Variants in PHACTR3 observed in about 807,000 individuals in gnomAD.
The protein encoded by PHACTR3 is protein phosphatase 1, regulatory subunit 123.
In PHACTR3, 16 loss-of-function variants were observed where a neutral mutation model predicts 66.8. The ratio of observed to expected loss-of-function variants is 0.24; its 90% CI spans 0.16 to 0.36. PHACTR3 has a LOEUF of 0.36. Ranked by LOEUF, PHACTR3 falls within the 10% of genes least tolerant of loss-of-function variation. The pLI, the probability that PHACTR3 is intolerant of heterozygous loss-of-function variation, is 1.00. For synonymous variants in PHACTR3, 323 were observed against 292.1 expected (o/e 1.11, Z -1.08); for missense variants, 647 against 719.9 (o/e 0.90, Z 1.16).
intron 1 of PHACTR3, among the ~76,000 whole-genome samples, chr20:59,723,570 G>A (rs149535971): frequency 2.8e-4 from 43 of 152,148 alleles, no homozygotes; most frequent in Non-Finnish European, 2.9e-4. Flanking sequence ...GCATATTCAC[G>A]TGCACATTTT....
At chr20:59,774,988 T>C (rs1316130320) in intron 7 of PHACTR3, among the ~76,000 whole-genome samples, 3 of 152,026 alleles carry the variant, frequency 2.0e-5, no homozygotes, top group Non-Finnish European at 4.4e-5. Context: ...GTCTCAGAAG[T>C]GCTGTGGATG....
chr20:59,728,802 G>C (rs997719486), intron 1 of PHACTR3, among the ~76,000 whole-genome samples: 2 of 151,734 alleles, frequency 1.3e-5, no homozygotes, highest in African/African-American at 4.8e-5. Flanking sequence ...CTCCAGTGGG[G>C]AGGGACCGAC....
chr20:59,814,222 G>T (rs1292965053), intron 8 of PHACTR3, among the ~76,000 whole-genome samples: 1 of 152,178 alleles, frequency 6.6e-6, no homozygotes, highest in Non-Finnish European at 1.5e-5. Flanking sequence ...GCTGGGTGGG[G>T]AGACAAGGGT....
chr20:59,771,076 G>T (rs1274953334), intron 5 of PHACTR3, among the ~76,000 whole-genome samples: 1 of 152,192 alleles, frequency 6.6e-6, no homozygotes, highest in East Asian at 1.9e-4. Context: ...CTCTATGGGG[G>T]CCGTGGGGGC....
At chr20:59,644,426 C>T (rs144653488) in intron 1 of PHACTR3, among the ~76,000 whole-genome samples, 117 of 152,352 alleles carry the variant, frequency 7.7e-4, no homozygotes, top group East Asian at 5.8e-3. Context: ...ACACTATCTT[C>T]GGGTTCCCTG....
chr20:59,784,586 C>T (rs1374281673), intron 7 of PHACTR3, among the ~76,000 whole-genome samples: 2 of 152,042 alleles, frequency 1.3e-5, no homozygotes, highest in Non-Finnish European at 2.9e-5. Flanking sequence ...CACAGGGTAG[C>T]GTGGTTGTTG....
intron 4 of PHACTR3, among the ~76,000 whole-genome samples, chr20:59,764,948 C>T (rs972244226): frequency 6.6e-5 from 10 of 152,134 alleles, no homozygotes; most frequent in East Asian, 1.9e-4. Context: ...ACTTGGCTGC[C>T]GAGGAAATGG....
At chr20:59,793,133 C>G (rs531162009) in intron 7 of PHACTR3, among the ~76,000 whole-genome samples, 2 of 152,198 alleles carry the variant, frequency 1.3e-5, no homozygotes, top group African/African-American at 4.8e-5. Flanking sequence ...AAGCATTTCT[C>G]CCACCTTGGC....
chr20:59,668,090 G>A (rs1222314660), intron 1 of PHACTR3, among the ~76,000 whole-genome samples: 1 of 152,186 alleles, frequency 6.6e-6, no homozygotes, highest in South Asian at 2.1e-4. Flanking sequence ...GGACTTAGAG[G>A]TGGGCACATA....
At chr20:59,793,805 T>G (rs1159610510) in intron 7 of PHACTR3, among the ~76,000 whole-genome samples, 1 of 152,064 alleles carries the variant, frequency 6.6e-6, no homozygotes, top group Non-Finnish European at 1.5e-5. Flanking sequence ...CTTCTAGTAT[T>G]TTGTTGAATG....
rs1031601434 is a variant in PHACTR3, at chr20:59,736,289, G to T, written c.119-6818G>T. 2.0e-5 allele frequency among the ~76,000 whole-genome samples: 3 copies of T among 152,088 alleles called. No homozygotes were observed. Among genetic ancestry groups the T allele is most frequent in the African/African-American group, 7.2e-5 (3 of 41,394 alleles). On this transcript the variant is annotated intron_variant, in intron 1 of 12. Transcript: ENST00000371015. This position sits in a 1 kb window ranked among gnomAD's most constrained non-coding sequence, Gnocchi z 4.6. ...GCACTACTGTTATTCAGAGGCTGGG[G>T]GGTGGCTGCTAATGTGTTTGCACCT...
intron 1 of PHACTR3, among the ~76,000 whole-genome samples, chr20:59,632,965 C>T (rs1188737509): frequency 6.6e-6 from 1 of 152,124 alleles, no homozygotes; most frequent in Non-Finnish European, 1.5e-5. Flanking sequence ...GAAAGACTGG[C>T]CTGCAGTGCT....
intron 1 of PHACTR3, among the ~76,000 whole-genome samples, chr20:59,692,475 A>C (rs2037146576): frequency 6.6e-6 from 1 of 152,164 alleles, no homozygotes; most frequent in Admixed American, 6.5e-5. Flanking sequence ...GGTCTCTGTG[A>C]CCTCAGAGGA....
chr20:59,613,405 G>T (rs901652943), intron 1 of PHACTR3, among the ~76,000 whole-genome samples: 1 of 152,158 alleles, frequency 6.6e-6, no homozygotes, highest in Non-Finnish European at 1.5e-5. Flanking sequence ...AGGCACAGGG[G>T]TGTCCACCTG....
chr20:59,660,570 A>G (rs1228629365), intron 1 of PHACTR3, among the ~76,000 whole-genome samples: 2 of 152,238 alleles, frequency 1.3e-5, no homozygotes, highest in Non-Finnish European at 2.9e-5. Context: ...TGGCCACCAG[A>G]ATTTCATTAA....
intron 1 of PHACTR3, among the ~76,000 whole-genome samples, chr20:59,669,308 A>G (rs1157174242): frequency 6.6e-6 from 1 of 152,174 alleles, no homozygotes; most frequent in Non-Finnish European, 1.5e-5. Context: ...ACTACTGAAG[A>G]TGGGGTCAAT....
chr20:59,635,642 A>C (rs1235839864), intron 1 of PHACTR3, among the ~76,000 whole-genome samples: 2 of 152,246 alleles, frequency 1.3e-5, no homozygotes. Context: ...AAGCATGAAG[A>C]AGGAAGTTAA....
intron 1 of PHACTR3, among the ~76,000 whole-genome samples, chr20:59,643,995 G>A (rs2035192991): frequency 6.6e-6 from 1 of 152,172 alleles, no homozygotes. Flanking sequence ...GGCTTAAGCG[G>A]CATCTCCTCA....
chr20:59,742,701 G>C (rs894117898), intron 1 of PHACTR3, among the ~76,000 whole-genome samples: 10 of 152,184 alleles, frequency 6.6e-5, no homozygotes, highest in Non-Finnish European at 1.5e-4. Flanking sequence ...AAAGACTCTG[G>C]ACAAAGTCCT....
Sources: allele counts gnomAD v4.1 joint callset (sites outside exome capture counted in the v4.1 genomes callset), GRCh38; gene constraint gnomAD v4.1.1; non-coding constraint Gnocchi (gnomAD v3.1); transcripts MANE v1.5; gene names NCBI Gene and HGNC (gene_info 2026-07-23, HGNC 2026-07-21).